HEMK2: variants seen among roughly 807,000 people sequenced by gnomAD.
The protein encoded by HEMK2 is HemK methyltransferase 2, ETF1 glutamine and histone H4 lysine, also known as methyltransferase HEMK2.
chr21:28,838,060 C>G, the HEMK2 span, among the ~76,000 whole-genome samples: 1 of 151,912 alleles, frequency 6.6e-6, no homozygotes, highest in Non-Finnish European at 1.5e-5. Flanking sequence ...AAACTGCCAA[C>G]AAAAAAATAG....
the HEMK2 span, among the ~76,000 whole-genome samples, chr21:28,803,166 G>C: frequency 6.6e-6 from 1 of 152,126 alleles, no homozygotes; most frequent in African/African-American, 2.4e-5. Flanking sequence ...CAAAAACCCA[G>C]GCAGCAGAAG....
At chr21:28,690,554 G>A in the HEMK2 span, among the ~76,000 whole-genome samples, 1 of 152,026 alleles carries the variant, frequency 6.6e-6, no homozygotes, top group Non-Finnish European at 1.5e-5. Context: ...AGCAATAATA[G>A]AGAACGAATA....
At chr21:28,653,640 GT>G in the HEMK2 span, among the ~76,000 whole-genome samples, 4 of 152,116 alleles carry the variant, frequency 2.6e-5, no homozygotes, top group Non-Finnish European at 5.9e-5. Flanking sequence ...CATCCGACAA[GT>G]TTCTTGTTTG....
At chr21:28,750,737 G>C in the HEMK2 span, among the ~76,000 whole-genome samples, 1 of 147,048 alleles carries the variant, frequency 6.8e-6, no homozygotes, top group South Asian at 2.2e-4. Flanking sequence ...CAAAGTCTCA[G>C]AGAAGTTAAG....
At chr21:28,885,230 G>C in the HEMK2 span, 1 of 1,582,114 alleles carries the variant, frequency 6.3e-7, no homozygotes, top group South Asian at 1.1e-5. Context: ...TTCGGCAGCC[G>C]CTGCCTCCAG....
chr21:28,803,433 T>C, the HEMK2 span, among the ~76,000 whole-genome samples: 1 of 152,212 alleles, frequency 6.6e-6, no homozygotes, highest in Non-Finnish European at 1.5e-5. Flanking sequence ...CTCAATTAAA[T>C]TGTGAAACCC....
At chr21:28,580,413 C>A in the HEMK2 span, among the ~76,000 whole-genome samples, 44 of 152,210 alleles carry the variant, frequency 2.9e-4, no homozygotes, top group East Asian at 2.7e-3. Flanking sequence ...CAGGGCAGAG[C>A]TCTCCAACAA....
the HEMK2 span, among the ~76,000 whole-genome samples, chr21:28,738,385 GTGGGCTGTGA>G: frequency 2.0e-5 from 3 of 152,218 alleles, no homozygotes; most frequent in Admixed American, 2.0e-4. Flanking sequence ...AACCTTTTGA[GTGGGCTGTGA>G]TGTTGCCAAT....
chr21:28,870,369 G>A, the HEMK2 span, among the ~76,000 whole-genome samples: 3 of 151,888 alleles, frequency 2.0e-5, no homozygotes, highest in African/African-American at 4.8e-5. Flanking sequence ...TTATATTAGG[G>A]TTCACCCTCT....
chr21:28,732,209 C>T, the HEMK2 span, among the ~76,000 whole-genome samples: 2 of 152,186 alleles, frequency 1.3e-5, no homozygotes, highest in African/African-American at 4.8e-5. Context: ...CAGGGACTAT[C>T]GTCTCTTCAA....
At chr21:28,798,501 A>T in the HEMK2 span, among the ~76,000 whole-genome samples, 1 of 145,118 alleles carries the variant, frequency 6.9e-6, no homozygotes, top group Admixed American at 7.1e-5. Flanking sequence ...TGAATAAGTA[A>T]GCCTGTTTTT....
chr21:28,840,793 T>C, the HEMK2 span, among the ~76,000 whole-genome samples: 24,131 of 151,012 alleles, frequency 0.16, 2,355 homozygotes, highest in East Asian at 0.49. Context: ...AGTATGGAGA[T>C]TCCTTAAGGA....
chr21:28,587,932 G>A, the HEMK2 span, among the ~76,000 whole-genome samples: 3 of 152,138 alleles, frequency 2.0e-5, no homozygotes, highest in African/African-American at 7.2e-5. Context: ...GAGCATTTTG[G>A]TCAAAAGACA....
chr21:28,705,964 T>C, the HEMK2 span, among the ~76,000 whole-genome samples: 7 of 152,224 alleles, frequency 4.6e-5, no homozygotes, highest in Admixed American at 3.9e-4. Flanking sequence ...TGAGCCCACT[T>C]GGATAATCCA....
chr21:28,780,267 T>TC, the HEMK2 span, among the ~76,000 whole-genome samples: 22 of 152,250 alleles, frequency 1.4e-4, no homozygotes, highest in South Asian at 4.4e-3. Context: ...AACCTCTGCC[T>TC]CCCAGGTTCA....
chr21:28,641,091 T>C, the HEMK2 span, among the ~76,000 whole-genome samples: 1 of 152,340 alleles, frequency 6.6e-6, no homozygotes, highest in East Asian at 1.9e-4. Context: ...TCATGCTTTT[T>C]TCATCTGTCA....
chr21:28,617,272 C>A, the HEMK2 span, among the ~76,000 whole-genome samples: 1 of 152,248 alleles, frequency 6.6e-6, no homozygotes, highest in Non-Finnish European at 1.5e-5. Flanking sequence ...GAAACTGAAG[C>A]ACATCTGGCA....
chr21:28,834,677 A>G, the HEMK2 span, among the ~76,000 whole-genome samples: 1 of 152,192 alleles, frequency 6.6e-6, no homozygotes, highest in African/African-American at 2.4e-5. Context: ...CAAATCCGGC[A>G]TGCAGACTCC....
chr21:28,637,841 A>C, the HEMK2 span, among the ~76,000 whole-genome samples: 1 of 152,206 alleles, frequency 6.6e-6, no homozygotes, highest in East Asian at 1.9e-4. Flanking sequence ...TGAGAAAAAA[A>C]ATTCTCTGTG....
Sources: allele counts gnomAD v4.1 joint callset (sites outside exome capture counted in the v4.1 genomes callset), GRCh38; gene constraint gnomAD v4.1.1; transcripts MANE v1.5; gene names NCBI Gene and HGNC (gene_info 2026-07-23, HGNC 2026-07-21).